DCC: variants seen among roughly 807,000 people sequenced by gnomAD.
The protein encoded by DCC is DCC netrin 1 receptor.
In DCC, 58 loss-of-function variants were observed where a neutral mutation model predicts 172.5. The ratio of observed to expected loss-of-function variants is 0.34; its 90% confidence interval spans 0.27 to 0.42. The LOEUF is 0.42. Among genes scored for constraint, DCC ranks in the 10% least tolerant of loss-of-function variants. The pLI is 1.00. For synonymous variants in DCC, 709 were observed against 644.5 expected (o/e 1.10, Z -1.52); for missense variants, 1,740 against 1,791.0 (o/e 0.97, Z 0.51).
intron 2 of DCC, among the ~76,000 whole-genome samples, chr18:52,816,340 G>A (rs909969761): frequency 3.3e-5 from 5 of 152,154 alleles, no homozygotes; most frequent in Non-Finnish European, 7.3e-5. Flanking sequence ...TCCAGTCAAC[G>A]AAAACATTCC....
chr18:52,606,275 G>C (rs995831), intron 1 of DCC, among the ~76,000 whole-genome samples: 123,546 of 151,900 alleles, frequency 0.81, 50,985 homozygotes, highest in Middle Eastern at 0.91. Context: ...TGTTGGACAA[G>C]TTGCTTAAAC....
intron 3 of DCC, among the ~76,000 whole-genome samples, chr18:52,908,563 A>G (rs1004000673): frequency 6.6e-6 from 1 of 152,160 alleles, no homozygotes; most frequent in African/African-American, 2.4e-5. Context: ...TTCCAGTGGT[A>G]TTAAGGAATC....
intron 2 of DCC, among the ~76,000 whole-genome samples, chr18:52,774,106 T>C (rs1017621619): frequency 4.6e-5 from 7 of 152,214 alleles, no homozygotes; most frequent in African/African-American, 1.4e-4. Context: ...CGTGGAGCCA[T>C]GGCTGTCAGA....
At chr18:52,469,451 C>T (rs2144557237) in intron 1 of DCC, among the ~76,000 whole-genome samples, 1 of 152,132 alleles carries the variant, frequency 6.6e-6, no homozygotes, top group South Asian at 2.1e-4. Flanking sequence ...ACCATCTTAG[C>T]CTATAGAGAG....
intron 12 of DCC, among the ~76,000 whole-genome samples, chr18:53,246,694 C>T (rs1410224277): frequency 1.3e-5 from 2 of 152,028 alleles, no homozygotes; most frequent in African/African-American, 4.8e-5. Context: ...AGAACAGTTT[C>T]CCAAAGCAGG....
intron 1 of DCC, among the ~76,000 whole-genome samples, chr18:52,484,399 C>A (rs1399979069): frequency 6.6e-6 from 1 of 152,034 alleles, no homozygotes; most frequent in African/African-American, 2.4e-5. Context: ...CTGTGATAAG[C>A]CCCAATCCCT....
chr18:52,388,600 A>G (rs960167733), intron 1 of DCC, among the ~76,000 whole-genome samples: 1 of 150,498 alleles, frequency 6.6e-6, no homozygotes, highest in Non-Finnish European at 1.5e-5. Context: ...AACCTTTGCT[A>G]GGAGTATTTC....
chr18:52,723,498 G>C (rs569478238), intron 1 of DCC, among the ~76,000 whole-genome samples: 4 of 152,130 alleles, frequency 2.6e-5, no homozygotes, highest in African/African-American at 9.7e-5. Flanking sequence ...GAAAAGAGCA[G>C]GTTTGGCTTC....
In DCC at chr18:53,493,271, CAG is replaced by C. The variant is rs577155611; in HGVS notation, c.3899-6023_3899-6022del. On this transcript the variant is annotated intron_variant, in intron 26 of 28. Transcript: ENST00000442544. Reference sequence around the variant, plus strand: ...AATATACAATCATGTCTTCTGCAAACAGAGACAATTTGACTTCCTCTCTTCCT... The same window carrying C: ...AATATACAATCATGTCTTCTGCAAACAGACAATTTGACTTCCTCTCTTCCT... Among the ~76,000 whole-genome samples the C allele has an allele frequency of 1.8e-3, 278 of 152,252 alleles. 1 individual carries two copies. The highest frequency in any genetic ancestry group is 6.0e-3 in the African/African-American group (249 of 41,542).
chr18:52,436,452 T>G (rs1987797480), intron 1 of DCC, among the ~76,000 whole-genome samples: 1 of 152,218 alleles, frequency 6.6e-6, no homozygotes, highest in Admixed American at 6.5e-5. Context: ...TCATGCTTTG[T>G]GGCATTAGCA....
At chr18:52,868,063 GTGTGTGTGTGTGTGTATATA>G (rs2039257479) in intron 2 of DCC, among the ~76,000 whole-genome samples, 2 of 147,240 alleles carry the variant, frequency 1.4e-5, no homozygotes, top group African/African-American at 2.5e-5. Flanking sequence ...ATGTGTGTGT[GTGTGTGTGTGTGTGTATATA>G]TGTGTGTATA....
At position 52,670,076 on chromosome 18, in the gene DCC, T is replaced by C. The variant is rs142010388; in HGVS notation, c.92-81978T>C. 4.3e-3 allele frequency among the ~76,000 whole-genome samples: 655 copies of C among 152,290 alleles called. 8 individuals carry two copies. Among genetic ancestry groups the C allele is most frequent in the African/African-American group, 0.015 (631 of 41,554 alleles). On this transcript the variant is annotated intron_variant, in intron 1 of 28. Transcript: ENST00000442544. The stretch of plus-strand genomic sequence containing the variant: ...CTCTGAGGGAATTGCACTTGATGTG[T>C]TCTTCAAACATCAAAGAGTCAGCAT...
intron 17 of DCC, among the ~76,000 whole-genome samples, chr18:53,392,804 A>G (rs1383244862): frequency 6.6e-6 from 1 of 152,208 alleles, no homozygotes; most frequent in African/African-American, 2.4e-5. Flanking sequence ...GATGAATTAT[A>G]CACTCAGCTC....
chr18:53,103,668 T>G (rs1240744748), intron 7 of DCC, among the ~76,000 whole-genome samples: 3 of 152,194 alleles, frequency 2.0e-5, no homozygotes, highest in African/African-American at 7.2e-5. Flanking sequence ...TGTTGTACTT[T>G]CATGAAACGC....
rs74178691 is a variant in DCC, at chr18:52,907,189, TTA to T, written c.697+870_697+871del. On this transcript the variant is annotated intron_variant, in intron 3 of 28. Transcript: ENST00000442544. Reference sequence around the variant, plus strand: ...ATATATCATATATACATGATATGTATTATATATATACCCTATATACATGATAT... The same window carrying T: ...ATATATCATATATACATGATATGTATTATATATACCCTATATACATGATAT... 2.7e-5 allele frequency among the ~76,000 whole-genome samples: 4 copies of T among 148,542 alleles called. No individual in the cohort carries two copies. In the South Asian group the frequency reaches 8.5e-4, roughly 32 times the overall value.
intron 5 of DCC, among the ~76,000 whole-genome samples, chr18:52,986,835 TACAC>T (rs147730924): frequency 1.2e-4 from 17 of 136,048 alleles, no homozygotes; most frequent in Non-Finnish European, 1.5e-4. Context: ...CACATATACA[TACAC>T]ACACACACAC....
chr18:52,856,625 C>CAAAAAAAAAAAAAAAA (rs11426617), intron 2 of DCC, among the ~76,000 whole-genome samples: 8 of 82,960 alleles, frequency 9.6e-5, no homozygotes, highest in African/African-American at 2.7e-4. Context: ...GACTCCATCT[C>CAAAAAAAAAAAAAAAA]AAAAAAAAAA....
chr18:53,362,856 C>T (rs191154847), intron 15 of DCC, among the ~76,000 whole-genome samples: 7 of 152,154 alleles, frequency 4.6e-5, no homozygotes, highest in Admixed American at 1.3e-4. Flanking sequence ...ACCTAGGAAA[C>T]ACACTTAATA....
At chr18:53,030,710 C>T (rs1391238864) in intron 5 of DCC, among the ~76,000 whole-genome samples, 1 of 152,134 alleles carries the variant, frequency 6.6e-6, no homozygotes, top group East Asian at 1.9e-4. Context: ...AAATTTTGGG[C>T]ATCATCCTGG....
Sources: gnomAD v4.1 joint callset for allele counts (sites outside exome capture counted in the v4.1 genomes callset) on GRCh38, gnomAD v4.1.1 for gene constraint, MANE v1.5 for transcripts, NCBI Gene and HGNC (gene_info 2026-07-23, HGNC 2026-07-21) for gene names.